NUP88: variants seen among roughly 807,000 people sequenced by gnomAD.
NUP88 encodes nucleoporin 88.
Under a neutral mutation model 93.9 loss-of-function variants are expected in NUP88, and 57 were observed. That is an observed-to-expected ratio of 0.61 (90% CI 0.49 to 0.76). The LOEUF (loss-of-function observed/expected upper bound fraction) is 0.76. Among genes scored for constraint, NUP88 ranks in the 30% least tolerant of loss-of-function variants. The pLI, the probability that NUP88 is intolerant of heterozygous loss-of-function variation, is 0.00. For synonymous variants in NUP88, 346 were observed against 336.8 expected (o/e 1.03, Z -0.30); for missense variants, 911 against 901.0 (o/e 1.01, Z -0.14).
rs1914168124 is a variant in NUP88, at chr17:5,416,670, T to C, written c.310A>G (p.Ile104Val). Reference sequence around the variant, plus strand: ...TAGATTTCAAACAGGGGTGGATTTATGCAAAGCAATCTCTGAAAATTAGAG... The same window carrying C: ...TAGATTTCAAACAGGGGTGGATTTACGCAAAGCAATCTCTGAAAATTAGAG... ...ALSQYQRLLC[I>V]NPPLFEIYQV... is the part of the protein sequence containing the mutation. The change falls in exon 2 of 17, where the codon ATA (isoleucine) becomes GTA (valine). Residue 104 changes from isoleucine to valine, a missense_variant. Ile to Val is a conservative substitution (Grantham distance 29). Transcript: ENST00000573584. The C allele has an allele frequency of 1.2e-6, 2 of 1,605,814 alleles. No individual in the cohort carries two copies. Among genetic ancestry groups the C allele is most frequent in the Non-Finnish European group, 1.7e-6 (2 of 1,178,080 alleles).
chr17:5,401,707 G>A (rs2871210), intron 7 of NUP88, among the ~76,000 whole-genome samples: 6 of 151,986 alleles, frequency 3.9e-5, no homozygotes, highest in Admixed American at 6.5e-5. Context: ...TTTCATTTGC[G>A]TATGTTTTAA....
intron 10 of NUP88, 68 bp downstream of exon 10, chr17:5,391,493 T>G: frequency 7.8e-7 from 1 of 1,281,742 alleles, no homozygotes; most frequent in Non-Finnish European, 1.1e-6. Context: ...GGTTACTGAG[T>G]GCATTTTCCC....
chr17:5,408,972 CA>C (rs1913663573), intron 4 of NUP88, 63 bp from the exon 5 acceptor site: 1 of 1,380,956 alleles, frequency 7.2e-7, no homozygotes. Flanking sequence ...AAAAGAAAAA[CA>C]AAACAAAACA....
In NUP88 at chr17:5,386,234, T is replaced by C. The variant is rs61753103; in HGVS notation, c.2198A>G (p.Asn733Ser). 12,570 of 1,613,434 alleles carry C rather than the reference T, an allele frequency of 7.8e-3. 69 individuals carry two copies. Among genetic ancestry groups the C allele is most frequent in the Non-Finnish European group, 9.4e-3 (11,065 of 1,179,704 alleles). Reference protein sequence around the residue: ...EHIREMVKQINDIRNHVNF With the variant: ...EHIREMVKQISDIRNHVNF Reference sequence around the variant, plus strand: ...GAAGTTTACATGATTGCGGATATCATTGATTTGCTTCACCATTTCCCTTAT... The same window carrying C: ...GAAGTTTACATGATTGCGGATATCACTGATTTGCTTCACCATTTCCCTTAT... The change falls in exon 17 of 17, where the codon AAT (asparagine) becomes AGT (serine). Residue 733 changes from asparagine (N) to serine (S), a missense_variant. Physicochemically the swap from Asn to Ser is conservative, Grantham distance 46. Transcript: ENST00000573584.
chr17:5,388,319 A>ACACT (rs1567564297), intron 11 of NUP88: 1 of 153,666 alleles, frequency 6.5e-6, no homozygotes, highest in African/African-American at 2.6e-5. Context: ...GACGAGTCTC[A>ACACT]CTGTCGCCCA....
At chr17:5,409,624 C>T (rs1480929921) in intron 4 of NUP88, among the ~76,000 whole-genome samples, 1 of 152,122 alleles carries the variant, frequency 6.6e-6, no homozygotes, top group Non-Finnish European at 1.5e-5. Context: ...GTGCCAGGTA[C>T]TTTTCTAGGG....
At chr17:5,400,493 CAAAAAAA>C (rs1187634728) in intron 7 of NUP88, among the ~76,000 whole-genome samples, 1 of 44,740 alleles carries the variant, frequency 2.2e-5, no homozygotes, top group Admixed American at 2.1e-4. Context: ...AACTCCGTCT[CAAAAAAA>C]AAAAAAAAAA....
At chr17:5,398,308 G>C (rs572022197) in intron 8 of NUP88, among the ~76,000 whole-genome samples, 1 of 151,962 alleles carries the variant, frequency 6.6e-6, no homozygotes, top group Non-Finnish European at 1.5e-5. Flanking sequence ...TGTTTGTTTT[G>C]AGACGGAGTC....
At chr17:5,409,392 AAAAAT>A (rs1206094353) in intron 4 of NUP88, among the ~76,000 whole-genome samples, 2 of 151,934 alleles carry the variant, frequency 1.3e-5, no homozygotes, top group East Asian at 1.9e-4. Context: ...AAAAAAAAAA[AAAAAT>A]TCTCATGAAA....
In NUP88 at chr17:5,387,683, A is replaced by G. The variant is rs1912114393; in HGVS notation, c.1770-13T>C. 1.2e-6 allele frequency: 2 copies of G among 1,610,818 alleles called. No homozygotes were observed. The highest frequency in any genetic ancestry group is 1.7e-6 in the Non-Finnish European group (2 of 1,178,380). ...TAATAATTTGACCCTTTAAAAACAA[A>G]AAGAAATAGAGTTTATTCAGAAGCC... is the stretch of plus-strand genomic sequence containing the variant. On this transcript the variant is annotated splice_polypyrimidine_tract_variant and intron_variant, in intron 12 of 16. Coordinates refer to ENST00000573584, the MANE Select transcript of NUP88 (RefSeq NM_002532.6).
Position 5,410,765 on chromosome 17 carries a change from C to CT in NUP88, c.617dup (p.Thr207AspfsTer4). 1 of 1,612,550 alleles carries CT rather than the reference C, an allele frequency of 6.2e-7. No homozygotes were observed. The highest frequency in any genetic ancestry group is 8.5e-7 in the Non-Finnish European group (1 of 1,178,916). ...AAAGTATTATCACGTTAGTGGGTGT[C>CT]TGCGGCTCACGTAGTGAGTAAATTC... On this transcript the variant is annotated frameshift_variant, in exon 4 of 17. Coordinates refer to ENST00000573584, the MANE Select transcript of NUP88 (RefSeq NM_002532.6). LOFTEE classifies it high-confidence loss of function.
intron 3 of NUP88, 63 bp from the exon 4 acceptor site, chr17:5,410,852 C>T: frequency 2.0e-6 from 2 of 983,652 alleles, no homozygotes; most frequent in Non-Finnish European, 3.2e-6. Context: ...CAAAACTGCA[C>T]TTTCCTCTCC....
At chr17:5,406,770 AAAAG>A (rs1453382183) in intron 5 of NUP88, among the ~76,000 whole-genome samples, 309 of 51,146 alleles carry the variant, frequency 6.0e-3, no homozygotes, top group African/African-American at 0.019. Context: ...CTTTAAAAAA[AAAAG>A]AAAAGAAAAG....
chr17:5,389,623 A>G (rs983214441), intron 10 of NUP88, among the ~76,000 whole-genome samples: 1 of 151,590 alleles, frequency 6.6e-6, no homozygotes, highest in Non-Finnish European at 1.5e-5. Context: ...TAAAAATATA[A>G]AAATCAGCTG....
rs1025493017 is a variant in NUP88, at chr17:5,410,616, TG to T, written c.680+86del. On this transcript the variant is annotated intron_variant, in intron 4 of 16. Coordinates refer to ENST00000573584, the MANE Select transcript of NUP88 (RefSeq NM_002532.6). ...TTACCAAAAGCATGCTAGTCACCTC[TG>T]AAAAACCTTGCAACCTGTTAAAATT... 99 of 789,784 alleles carry T rather than the reference TG, an allele frequency of 1.3e-4. No homozygotes were observed. In the African/African-American group the frequency reaches 1.7e-3, roughly 13 times the overall value. 48.9% of individuals were successfully genotyped at this position (789,784 alleles called of 1,614,324 possible).
intron 1 of NUP88, among the ~76,000 whole-genome samples, chr17:5,418,611 T>A (rs1914352756): frequency 6.6e-6 from 1 of 152,152 alleles, no homozygotes; most frequent in Admixed American, 6.6e-5. Context: ...CCTGCCCTAT[T>A]TTCAAAACTG....
rs1482698877 is a variant in NUP88, at chr17:5,387,617, C to T, written c.1823G>A (p.Cys608Tyr). ...KKKQLEDLSY[C>Y]REERKSLREM... ...TTTTGACACTTACCTCTCTTCTCGACAATAACTGAGATCTTCTAGTTGTTT... is the reference window on the plus strand; with the variant it reads ...TTTTGACACTTACCTCTCTTCTCGATAATAACTGAGATCTTCTAGTTGTTT... The change falls in exon 13 of 17, where the codon TGT becomes TAT. Residue 608 changes from cysteine (C) to tyrosine (Y), a missense_variant. Cys to Tyr is a radical substitution (Grantham distance 194, BLOSUM62 -2). Coordinates refer to ENST00000573584, the MANE Select transcript of NUP88 (RefSeq NM_002532.6). 1.9e-6 allele frequency: 3 copies of T among 1,613,162 alleles called. No individual in the cohort carries two copies. The highest frequency in any genetic ancestry group is 2.5e-6 in the Non-Finnish European group (3 of 1,179,396).
intron 4 of NUP88, 36 bp downstream of exon 4, chr17:5,410,666 AT>A (rs780470623): frequency 1.1e-5 from 14 of 1,292,392 alleles, no homozygotes; most frequent in Non-Finnish European, 1.5e-5. Flanking sequence ...CAATAAGCTA[AT>A]TAAAAAACCA....
At chr17:5,393,716 G>A (rs1018807777) in intron 9 of NUP88, among the ~76,000 whole-genome samples, 3 of 152,154 alleles carry the variant, frequency 2.0e-5, no homozygotes, top group Non-Finnish European at 4.4e-5. Context: ...GATTATAGGC[G>A]TAAGCCACAG....
Sources: gnomAD v4.1 joint callset for allele counts (sites outside exome capture counted in the v4.1 genomes callset) on GRCh38, gnomAD v4.1.1 for gene constraint, MANE v1.5 for transcripts, NCBI Gene and HGNC (gene_info 2026-07-23, HGNC 2026-07-21) for gene names.